Variants in SNX7 observed in about 807,000 individuals in gnomAD.
The protein encoded by SNX7 is sorting nexin 7, also known as sorting nexin-7.
SNX7 carries 35 observed loss-of-function variants against 48.4 expected under a neutral mutation model. That is an observed-to-expected ratio of 0.72 (90% CI 0.55 to 0.96). The LOEUF (loss-of-function observed/expected upper bound fraction) is 0.96, where lower values mean the gene tolerates loss of function less well. Among genes scored for constraint, SNX7 ranks in the 40% least tolerant of loss-of-function variants. SNX7 has a pLI of 0.00. For missense variants in SNX7, 553 were observed against 548.9 expected (o/e 1.01, Z -0.07); for synonymous variants, 190 against 190.2 (o/e 1.00, Z 0.01).
chr1:98,732,920 A>G (rs1653588770), intron 7 of SNX7, among the ~76,000 whole-genome samples: 1 of 152,112 alleles, frequency 6.6e-6, no homozygotes, highest in Admixed American at 6.6e-5. Flanking sequence ...TTATTTCCTT[A>G]GACATATTCC....
At chr1:98,682,974 T>C (rs1650582250) in intron 1 of SNX7, among the ~76,000 whole-genome samples, 1 of 152,212 alleles carries the variant, frequency 6.6e-6, no homozygotes. Context: ...TTTCAGACTT[T>C]CTGTTGCATT....
Position 98,684,951 on chromosome 1 carries a change from A to G in SNX7, c.247A>G (p.Asn83Asp). The G allele has an allele frequency of 6.3e-7, 1 of 1,599,672 alleles. No individual in the cohort carries two copies. The highest frequency in any genetic ancestry group is 1.1e-5 in the South Asian group (1 of 87,254). Reference protein sequence around the residue: ...MMPTSPLSMINQIKFEDEPDL... With the variant: ...MMPTSPLSMIDQIKFEDEPDL... Reference sequence around the variant, plus strand: ...GCCAACATCCCCTTTATCAATGATAAACCAAATCAAGTTTGAGGATGAACC... The same window carrying G: ...GCCAACATCCCCTTTATCAATGATAGACCAAATCAAGTTTGAGGATGAACC... The change falls in exon 2 of 9, where the codon AAC becomes GAC. Residue 83 changes from asparagine to aspartate, a missense_variant. Asn to Asp is a conservative substitution (Grantham distance 23, BLOSUM62 1). Transcript: ENST00000306121.
At chr1:98,673,408 T>TG (rs2100916636) in intron 1 of SNX7, among the ~76,000 whole-genome samples, 1 of 152,370 alleles carries the variant, frequency 6.6e-6, no homozygotes, top group South Asian at 2.1e-4. Context: ...GCATTCTTCC[T>TG]GCTCCCTGCA....
chr1:98,744,779 A>G (rs1360628111), intron 8 of SNX7, among the ~76,000 whole-genome samples: 1 of 152,046 alleles, frequency 6.6e-6, no homozygotes, highest in African/African-American at 2.4e-5. Flanking sequence ...CAAAAAAGAG[A>G]TGGCTGGGTA....
chr1:98,683,566 T>TC (rs895903492), intron 1 of SNX7, among the ~76,000 whole-genome samples: 1 of 151,952 alleles, frequency 6.6e-6, no homozygotes, highest in Non-Finnish European at 1.5e-5. Context: ...AGAGAGACCC[T>TC]CCCCCCTTTT....
intron 1 of SNX7, among the ~76,000 whole-genome samples, chr1:98,663,401 A>G (rs1283342349): frequency 6.6e-6 from 1 of 151,062 alleles, no homozygotes; most frequent in Non-Finnish European, 1.5e-5. Flanking sequence ...TAAACTTGTC[A>G]AGTGGTTTCT....
Position 98,676,301 on chromosome 1 carries a change from A to G in SNX7, c.181-8584A>G, listed in dbSNP as rs574989054. Among the ~76,000 whole-genome samples, 17 of 152,284 alleles carry G rather than the reference A, an allele frequency of 1.1e-4. No homozygotes were observed. The South Asian group carries it at 3.3e-3, about 30-fold the overall frequency. On this transcript the variant is annotated intron_variant, in intron 1 of 8. Transcript: ENST00000306121. The stretch of plus-strand genomic sequence containing the variant: ...GTATTCTATCATATGGATAGAATTC[A>G]TTATACCCTCCCATAGAGATATAAA...
intron 8 of SNX7, among the ~76,000 whole-genome samples, chr1:98,750,047 C>G (rs946762893): frequency 6.6e-6 from 1 of 151,836 alleles, no homozygotes; most frequent in African/African-American, 2.4e-5. Context: ...CTTTATATGG[C>G]TTAATATGGG....
chr1:98,698,750 TG>T lies in SNX7; in HGVS notation c.885del (p.Trp295CysfsTer12). 1 of 1,613,618 alleles carries T rather than the reference TG, an allele frequency of 6.2e-7. No individual in the cohort carries two copies. The highest frequency in any genetic ancestry group is 1.3e-5 in the African/African-American group (1 of 74,982). On this transcript the variant is annotated frameshift_variant, in exon 6 of 9. Coordinates refer to ENST00000306121, the MANE Select transcript of SNX7 (RefSeq NM_015976.5). LOFTEE classifies it high-confidence loss of function. ...MKEYGPIHIL[W>X]SASEEDLVDT... ...AGAATATGGCCCAATTCATATTCTGTGGTCAGCGTCAGAAGAGGATCTGGTT... is the reference window on the plus strand; with the variant it reads ...AGAATATGGCCCAATTCATATTCTGTGTCAGCGTCAGAAGAGGATCTGGTT...
At chr1:98,678,247 G>A (rs1211165941) in intron 1 of SNX7, among the ~76,000 whole-genome samples, 3 of 152,156 alleles carry the variant, frequency 2.0e-5, no homozygotes, top group East Asian at 3.9e-4. Flanking sequence ...ACGATCCAGG[G>A]TCTTTTAATA....
At chr1:98,745,763 G>A (rs1654281549) in intron 8 of SNX7, among the ~76,000 whole-genome samples, 1 of 152,034 alleles carries the variant, frequency 6.6e-6, no homozygotes, top group African/African-American at 2.4e-5. Flanking sequence ...AAGCCTGAAT[G>A]CATTAAGAAA....
chr1:98,759,859 G>T (rs1655027142), intron 8 of SNX7, among the ~76,000 whole-genome samples, 195 bp from the exon 9 acceptor site: 1 of 151,942 alleles, frequency 6.6e-6, no homozygotes, highest in African/African-American at 2.4e-5. Context: ...CCTTTAATAT[G>T]TTTTCCCCTT....
At chr1:98,740,918 G>A (rs1249888170) in intron 8 of SNX7, among the ~76,000 whole-genome samples, 1 of 152,006 alleles carries the variant, frequency 6.6e-6, no homozygotes, top group Non-Finnish European at 1.5e-5. Flanking sequence ...ATTGTTTGTT[G>A]AATTTTTTCC....
intron 8 of SNX7, among the ~76,000 whole-genome samples, chr1:98,759,503 C>T (rs1655013113): frequency 6.6e-6 from 1 of 152,038 alleles, no homozygotes. Context: ...TCCCAACAGA[C>T]CATCATAACA....
chr1:98,698,571 A>T (rs1352839152), intron 5 of SNX7, 135 bp from the exon 6 acceptor site: 3 of 767,160 alleles, frequency 3.9e-6, no homozygotes, highest in Non-Finnish European at 2.0e-6. Context: ...GAAGGATGAT[A>T]TCCGTTTTCT....
chr1:98,691,782 A>G (rs1651142546), intron 4 of SNX7, 83 bp downstream of exon 4: 2 of 1,175,468 alleles, frequency 1.7e-6, no homozygotes, highest in Admixed American at 3.3e-5. Context: ...GTTTACCGTT[A>G]CAAATCATGC....
intron 8 of SNX7, among the ~76,000 whole-genome samples, chr1:98,745,884 C>T (rs972455619): frequency 1.3e-5 from 2 of 152,064 alleles, no homozygotes; most frequent in African/African-American, 4.8e-5. Flanking sequence ...AATGGCAACA[C>T]ATTTAATAGA....
intron 7 of SNX7, among the ~76,000 whole-genome samples, chr1:98,720,492 G>T (rs374337041): frequency 1.3e-5 from 2 of 151,974 alleles, no homozygotes; most frequent in East Asian, 3.9e-4. Context: ...CCTTATTAAA[G>T]GATACTTTTT....
intron 8 of SNX7, among the ~76,000 whole-genome samples, chr1:98,743,194 CTGTGCTAAT>C (rs1232975702): frequency 6.6e-6 from 1 of 151,896 alleles, no homozygotes; most frequent in African/African-American, 2.4e-5. Context: ...CATCAAAGCC[CTGTGCTAAT>C]AAACACAGGG....
Sources: allele counts gnomAD v4.1 joint callset (sites outside exome capture counted in the v4.1 genomes callset), GRCh38; gene constraint gnomAD v4.1.1; transcripts MANE v1.5; gene names NCBI Gene and HGNC (gene_info 2026-07-23, HGNC 2026-07-21).